The following DNAH8 variants were observed in gnomAD, a reference collection of about 807,000 sequenced individuals.
The protein encoded by DNAH8 is axonemal beta dynein heavy chain 8.
In DNAH8, 382 loss-of-function variants were observed where a neutral mutation model predicts 562.1. The ratio of observed to expected loss-of-function variants is 0.68; its 90% confidence interval spans 0.63 to 0.74. The LOEUF is 0.74. Among genes scored for constraint, DNAH8 ranks in the 30% least tolerant of loss-of-function variants. The pLI, the probability that DNAH8 is intolerant of heterozygous loss-of-function variation, is 0.00. For missense variants in DNAH8, 5,203 were observed against 5,620.4 expected (o/e 0.93, Z 2.37); for synonymous variants, 1,881 against 1,919.4 (o/e 0.98, Z 0.52).
chr6:38,861,993 C>T (rs1049396431), intron 43 of DNAH8, among the ~76,000 whole-genome samples: 2 of 143,846 alleles, frequency 1.4e-5, no homozygotes, highest in Non-Finnish European at 3.0e-5. Context: ...AAACATTTGC[C>T]AGCACAATAC....
intron 77 of DNAH8, among the ~76,000 whole-genome samples, chr6:38,936,892 C>T (rs1003627885): frequency 1.3e-5 from 2 of 152,082 alleles, no homozygotes; most frequent in Admixed American, 6.6e-5. Context: ...TGCTGCTGTT[C>T]GCAGATATGG....
Position 38,721,006 on chromosome 6 carries a change from A to T in DNAH8, c.-34-1770A>T, listed in dbSNP as rs145706651. ...AAAGAAAGAATCACTGAACTCAGAC[A>T]GGTTGTTTGAAAATGTGCAGAGGAG... On this transcript the variant is annotated intron_variant, in intron 1 of 92. Coordinates refer to ENST00000327475, the MANE Select transcript of DNAH8 (RefSeq NM_001206927.2). 4.3e-3 allele frequency among the ~76,000 whole-genome samples: 661 copies of T among 152,288 alleles called. 8 individuals are homozygous for T. The highest frequency in any genetic ancestry group is 0.024 in the Middle Eastern group (7 of 294).
rs573851115 is a variant in DNAH8 at position 38,783,002 on chromosome 6, A to C, written c.2260-2A>C. ...AGTAAATCTTTTCCCTTAAAAAAAC[A>C]GAAAAACTCAGACATTTTATCAAGT... On this transcript the variant is annotated splice_acceptor_variant, in intron 16 of 92. Transcript: ENST00000327475. LOFTEE classifies it high-confidence loss of function. 1.2e-5 allele frequency: 20 copies of C among 1,609,458 alleles called. No homozygotes were observed. The highest frequency in any genetic ancestry group is 1.7e-5 in the Non-Finnish European group (20 of 1,178,706).
rs550332648 is a variant in DNAH8 at position 38,824,911 on chromosome 6, A to G, written c.3847+1223A>G. 7.9e-5 allele frequency among the ~76,000 whole-genome samples: 12 copies of G among 152,326 alleles called. No individual in the cohort carries two copies. In the South Asian group the frequency reaches 2.1e-3, roughly 26 times the overall value. ...ACTATTTACCTGGAAATCAGAAACT[A>G]TGCATCAGTGGCAATAATTACAAGA... On this transcript the variant is annotated intron_variant, in intron 28 of 92. Transcript: ENST00000327475.
intron 56 of DNAH8, among the ~76,000 whole-genome samples, chr6:38,884,871 C>T (rs975075553): frequency 1.3e-5 from 2 of 152,140 alleles, no homozygotes; most frequent in Non-Finnish European, 2.9e-5. Context: ...AAGACTTCAC[C>T]GGTGTTGCCA....
At chr6:38,771,009 T>C (rs1317050576) in intron 12 of DNAH8, among the ~76,000 whole-genome samples, 1 of 152,102 alleles carries the variant, frequency 6.6e-6, no homozygotes, top group Non-Finnish European at 1.5e-5. Context: ...TGGACAGACA[T>C]AGGTTTGATT....
In DNAH8 at chr6:38,872,720, C is replaced by T. The variant is rs369471873; in HGVS notation, c.7175C>T (p.Thr2392Ile). 1 of 1,614,042 alleles carries T rather than the reference C, an allele frequency of 6.2e-7. No individual in the cohort carries two copies. The highest frequency in any genetic ancestry group is 8.5e-7 in the Non-Finnish European group (1 of 1,179,978). ...ATGTTTGGCAGACTGGACACTGCTACCAATGACTGGACAGATGGGATTTTT... is the reference window on the plus strand; with the variant it reads ...ATGTTTGGCAGACTGGACACTGCTATCAATGACTGGACAGATGGGATTTTT... ...PQMFGRLDTA[T>I]NDWTDGIFST... The change falls in exon 50 of 93, where the codon ACC (threonine) becomes ATC (isoleucine). Residue 2392 changes from threonine to isoleucine, a missense_variant. Physicochemically the swap from Thr to Ile is moderately conservative, Grantham distance 89. This residue lies in a region of DNAH8 where 2,176 missense variants were observed against 2,365.1 expected (regional missense o/e 0.92). Transcript: ENST00000327475.
Position 38,872,616 on chromosome 6 carries a change from T to C in DNAH8, c.7071T>C (p.Ile2357=). Residue 2357 remains isoleucine, a synonymous_variant, in exon 50 of 93, where the codon ATT becomes ATC. Transcript: ENST00000327475. ...CTGGAAAGACAACCGTTATCACGAT[T>C]CTAATGAAGGCGCAAACAGAATGCG... ...SGSGKTTVIT[I]LMKAQTECGR... 6.2e-7 allele frequency: 1 copy of C among 1,614,106 alleles called. No homozygotes were observed. The highest frequency in any genetic ancestry group is 8.5e-7 in the Non-Finnish European group (1 of 1,179,978).
Position 38,987,883 on chromosome 6 carries a change from A to G in DNAH8, c.13054-2129A>G, listed in dbSNP as rs542126080. Among the ~76,000 whole-genome samples the G allele has an allele frequency of 9.2e-4, 140 of 152,304 alleles. No individual in the cohort carries two copies. In the Middle Eastern group the frequency reaches 0.01, roughly 11 times the overall value. On this transcript the variant is annotated intron_variant, in intron 87 of 92. Coordinates refer to ENST00000327475, the MANE Select transcript of DNAH8 (RefSeq NM_001206927.2). ...TTGGGTCTCTGGCCCTAAGGGCATG[A>G]GCTTACCACATGAACCTGGCAGCAG...
Position 38,890,704 on chromosome 6 carries a change from A to G in DNAH8, c.8526A>G (p.Ile2842Met), listed in dbSNP as rs1779288334. The G allele has an allele frequency of 1.2e-6, 2 of 1,613,950 alleles. No individual in the cohort carries two copies. The highest frequency in any genetic ancestry group is 1.7e-6 in the Non-Finnish European group (2 of 1,179,840). ...CTTGTAGAAGTTTCAAGCCTCAAAT[A>G]TGTGAGATGATTGTGAATTTAGTCT... ...FDPCRSFKPQ[I>M]CEMIVNLVSV... Residue 2842 changes from isoleucine (I) to methionine (M), a missense_variant, in exon 58 of 93, where the codon ATA (isoleucine) becomes ATG (methionine). By Grantham distance (10) the Ile-to-Met change is conservative. This residue lies in a region of DNAH8 where 977 missense variants were observed against 1,061.8 expected (regional missense o/e 0.92). Transcript: ENST00000327475.
Position 38,815,672 on chromosome 6 carries a change from T to C in DNAH8, c.3523+15T>C, listed in dbSNP as rs372044794. ...GAAGGAAGAAAGTAAGAATGTAAAATTAGTCAATGATCTTACTGATCCTTT... is the reference window on the plus strand; with the variant it reads ...GAAGGAAGAAAGTAAGAATGTAAAACTAGTCAATGATCTTACTGATCCTTT... On this transcript the variant is annotated intron_variant, in intron 26 of 92. Coordinates refer to ENST00000327475, the MANE Select transcript of DNAH8 (RefSeq NM_001206927.2). 14 of 1,600,376 alleles carry C rather than the reference T, an allele frequency of 8.7e-6. No homozygotes were observed. In the East Asian group the frequency reaches 3.0e-4, roughly 34 times the overall value.
intron 52 of DNAH8, among the ~76,000 whole-genome samples, chr6:38,874,333 T>C (rs1777822226): frequency 8.3e-6 from 1 of 120,656 alleles, no homozygotes; most frequent in Non-Finnish European, 1.7e-5. Context: ...TCCCTCCCTC[T>C]CTCTCTCTTC....
At chr6:38,871,102 T>A (rs1236662588) in intron 49 of DNAH8, among the ~76,000 whole-genome samples, 2 of 152,226 alleles carry the variant, frequency 1.3e-5, no homozygotes, top group Non-Finnish European at 2.9e-5. Flanking sequence ...CAAGAACTTG[T>A]AGCAGAGACA....
At chr6:38,971,123 GA>G (rs1360633834) in intron 82 of DNAH8, among the ~76,000 whole-genome samples, 1 of 152,152 alleles carries the variant, frequency 6.6e-6, no homozygotes, top group Non-Finnish European at 1.5e-5. Flanking sequence ...CAAGCAGACA[GA>G]AAACACTGTG....
At chr6:38,798,521 A>T (rs1291252458) in intron 21 of DNAH8, among the ~76,000 whole-genome samples, 1 of 152,132 alleles carries the variant, frequency 6.6e-6, no homozygotes, top group East Asian at 1.9e-4. Context: ...CGTGTTATAG[A>T]GGTAGTATTT....
At chr6:38,957,984 A>G (rs1561914321) in intron 82 of DNAH8, among the ~76,000 whole-genome samples, 1 of 151,898 alleles carries the variant, frequency 6.6e-6, no homozygotes, top group Non-Finnish European at 1.5e-5. Context: ...TAAAGATCAG[A>G]GTAGAAATAA....
intron 3 of DNAH8, among the ~76,000 whole-genome samples, chr6:38,729,216 A>T (rs1253691231): frequency 6.6e-6 from 1 of 151,450 alleles, no homozygotes; most frequent in Admixed American, 6.6e-5. Context: ...ACAAACAAAC[A>T]AACAAACAAA....
intron 26 of DNAH8, among the ~76,000 whole-genome samples, chr6:38,817,606 G>C (rs1393728535): frequency 1.3e-5 from 2 of 152,208 alleles, no homozygotes; most frequent in Admixed American, 6.5e-5. Context: ...CCCTAAAGGA[G>C]AGTGAAAAGG....
intron 67 of DNAH8, among the ~76,000 whole-genome samples, 159 bp downstream of exon 67, chr6:38,914,111 T>C (rs1781113190): frequency 1.3e-5 from 2 of 152,230 alleles, no homozygotes; most frequent in African/African-American, 2.4e-5. Flanking sequence ...GTTTAACTTA[T>C]ACCAGCGTAT....
Sources: gnomAD v4.1 joint callset for allele counts (sites outside exome capture counted in the v4.1 genomes callset) on GRCh38, gnomAD v4.1.1 for gene constraint, gnomAD v4.1.1 regional missense constraint, MANE v1.5 for transcripts, NCBI Gene and HGNC (gene_info 2026-07-23, HGNC 2026-07-21) for gene names.